CSNK2A2IP: variants seen among roughly 807,000 people sequenced by gnomAD.
The protein encoded by CSNK2A2IP is casein kinase 2 subunit alpha' interacting protein.
chr3:88,370,726 T>C, the CSNK2A2IP span, among the ~76,000 whole-genome samples: 2 of 151,838 alleles, frequency 1.3e-5, no homozygotes, highest in South Asian at 4.1e-4. Context: ...ATGGATTGAA[T>C]GTTTGTGTCC....
the CSNK2A2IP span, among the ~76,000 whole-genome samples, chr3:88,459,219 T>A: frequency 2.0e-5 from 3 of 152,068 alleles, no homozygotes; most frequent in South Asian, 6.2e-4. Flanking sequence ...CCTGGATTGC[T>A]AGGCATTTAT....
chr3:88,346,448 G>A, the CSNK2A2IP span, among the ~76,000 whole-genome samples: 1 of 151,972 alleles, frequency 6.6e-6, no homozygotes, highest in Non-Finnish European at 1.5e-5. Flanking sequence ...AAGACAGGCT[G>A]ACTCTTGTTA....
chr3:88,383,958 G>A, the CSNK2A2IP span, among the ~76,000 whole-genome samples: 1 of 151,944 alleles, frequency 6.6e-6, no homozygotes, highest in South Asian at 2.1e-4. Flanking sequence ...CCACTGCGCC[G>A]GGCTTCTTCT....
chr3:88,420,598 A>T, the CSNK2A2IP span, among the ~76,000 whole-genome samples: 1 of 152,208 alleles, frequency 6.6e-6, no homozygotes, highest in African/African-American at 2.4e-5. Flanking sequence ...AAAAATGTTT[A>T]ATCGGCAGTA....
the CSNK2A2IP span, among the ~76,000 whole-genome samples, chr3:88,384,822 G>T: frequency 2.6e-5 from 4 of 152,138 alleles, no homozygotes. Flanking sequence ...GTATATATTT[G>T]GGGGTAGAAT....
chr3:88,433,722 C>G, the CSNK2A2IP span, among the ~76,000 whole-genome samples: 1 of 152,158 alleles, frequency 6.6e-6, no homozygotes, highest in Non-Finnish European at 1.5e-5. Flanking sequence ...TCACATACTT[C>G]TCCCTTGGGG....
chr3:88,427,806 A>G, the CSNK2A2IP span, among the ~76,000 whole-genome samples: 4 of 152,296 alleles, frequency 2.6e-5, 1 homozygote, highest in East Asian at 7.7e-4. Flanking sequence ...AGTTTGGTGC[A>G]GGGGTGGAGC....
At chr3:88,460,100 T>C in the CSNK2A2IP span, among the ~76,000 whole-genome samples, 1 of 152,184 alleles carries the variant, frequency 6.6e-6, no homozygotes, top group East Asian at 1.9e-4. Flanking sequence ...ATTATAAATA[T>C]CTGTTTATTC....
At chr3:88,349,381 T>C in the CSNK2A2IP span, among the ~76,000 whole-genome samples, 6 of 152,068 alleles carry the variant, frequency 3.9e-5, no homozygotes, top group African/African-American at 1.4e-4. Context: ...TGAGAACATA[T>C]GGCATTTGGT....
the CSNK2A2IP span, among the ~76,000 whole-genome samples, chr3:88,406,383 G>A: frequency 2.0e-5 from 3 of 152,148 alleles, no homozygotes; most frequent in South Asian, 2.1e-4. Context: ...CATGGGCTAC[G>A]GGAAGCGCAG....
chr3:88,462,576 G>A, the CSNK2A2IP span, among the ~76,000 whole-genome samples: 1 of 152,128 alleles, frequency 6.6e-6, no homozygotes, highest in African/African-American at 2.4e-5. Context: ...TAGATAAGAT[G>A]TGCCTGTAAT....
At chr3:88,394,048 G>A in the CSNK2A2IP span, among the ~76,000 whole-genome samples, 29 of 152,074 alleles carry the variant, frequency 1.9e-4, no homozygotes, top group African/African-American at 6.8e-4. Flanking sequence ...GAAATGTGAG[G>A]GATATGGTGT....
At chr3:88,424,950 C>T in the CSNK2A2IP span, among the ~76,000 whole-genome samples, 1 of 151,964 alleles carries the variant, frequency 6.6e-6, no homozygotes, top group Non-Finnish European at 1.5e-5. Context: ...GACAGAACTG[C>T]AGATTTTGGT....
chr3:88,387,183 GA>G, the CSNK2A2IP span, among the ~76,000 whole-genome samples: 2 of 125,438 alleles, frequency 1.6e-5, no homozygotes, highest in Admixed American at 8.9e-5. Flanking sequence ...TTTTTTTTGA[GA>G]TGCAGTCTTG....
chr3:88,438,252 G>A, the CSNK2A2IP span, among the ~76,000 whole-genome samples: 76 of 152,188 alleles, frequency 5.0e-4, no homozygotes, highest in Admixed American at 1.8e-3. Context: ...ATTTGTTGGG[G>A]CTCAAAAGAT....
At chr3:88,413,338 T>A in the CSNK2A2IP span, among the ~76,000 whole-genome samples, 1 of 151,938 alleles carries the variant, frequency 6.6e-6, no homozygotes, top group Admixed American at 6.6e-5. Flanking sequence ...GTGTAACTCT[T>A]ATACACTAAG....
chr3:88,416,138 G>C, the CSNK2A2IP span, among the ~76,000 whole-genome samples: 1 of 151,760 alleles, frequency 6.6e-6, no homozygotes, highest in Non-Finnish European at 1.5e-5. Context: ...TGGTGTGGTG[G>C]CACGCGCCTG....
At chr3:88,418,530 T>C in the CSNK2A2IP span, among the ~76,000 whole-genome samples, 2 of 152,078 alleles carry the variant, frequency 1.3e-5, no homozygotes, top group South Asian at 4.1e-4. Context: ...GCATTTAGCC[T>C]GGCATAAAAT....
chr3:88,435,344 C>G, the CSNK2A2IP span, among the ~76,000 whole-genome samples: 2 of 151,980 alleles, frequency 1.3e-5, no homozygotes, highest in Admixed American at 6.6e-5. Context: ...TGATTATGGC[C>G]AGGAAAATAT....
Sources: allele counts gnomAD v4.1 joint callset (sites outside exome capture counted in the v4.1 genomes callset), GRCh38; gene constraint gnomAD v4.1.1; transcripts MANE v1.5; gene names NCBI Gene and HGNC (gene_info 2026-07-23, HGNC 2026-07-21).